The following MAPRE3 variants were observed in gnomAD, a reference collection of about 807,000 sequenced individuals.
The protein encoded by MAPRE3 is microtubule-associated protein RP/EB family member 3.
In MAPRE3, 2 loss-of-function variants were observed where a neutral mutation model predicts 30.5. That is an observed-to-expected ratio of 0.07 (90% CI 0.03 to 0.21). The LOEUF is 0.21. MAPRE3 is among the 10% of genes least tolerant of loss of function. The probability of loss-of-function intolerance (pLI) is 1.00; values close to 1 mark genes in which losing one functional copy is unlikely to be tolerated. For missense variants in MAPRE3, 204 were observed against 351.8 expected (o/e 0.58, Z 3.36); for synonymous variants, 110 against 127.7 (o/e 0.86, Z 0.93).
intron 1 of MAPRE3, among the ~76,000 whole-genome samples, chr2:27,010,439 CT>C (rs71401549): frequency 7.9e-4 from 91 of 115,504 alleles, no homozygotes; most frequent in African/African-American, 1.1e-3. Flanking sequence ...ATCTGTATTT[CT>C]TTTTTTTTTT....
chr2:27,001,817 C>T (rs775351247), intron 1 of MAPRE3, among the ~76,000 whole-genome samples: 3 of 152,170 alleles, frequency 2.0e-5, no homozygotes, highest in Admixed American at 6.5e-5. Context: ...CATTGTGATG[C>T]GGTGCGTGAC....
intron 1 of MAPRE3, among the ~76,000 whole-genome samples, chr2:26,982,461 G>A (rs377355059): frequency 3.9e-5 from 6 of 152,344 alleles, no homozygotes; most frequent in African/African-American, 1.2e-4. Context: ...TTGTAGTCCC[G>A]TTTCATGAAA....
chr2:26,972,971 G>A (rs775221525), intron 1 of MAPRE3, among the ~76,000 whole-genome samples: 2 of 152,202 alleles, frequency 1.3e-5, no homozygotes, highest in Admixed American at 1.3e-4. Flanking sequence ...TAATTGTTAA[G>A]ATCAAGGAGA....
intron 1 of MAPRE3, among the ~76,000 whole-genome samples, chr2:26,994,262 C>T (rs1187757091): frequency 5.3e-5 from 8 of 152,172 alleles, no homozygotes; most frequent in Admixed American, 5.2e-4. Context: ...ACCAGAAAGT[C>T]AATTTAATAA....
intron 1 of MAPRE3, chr2:26,995,442 A>G (rs1666430245): frequency 6.6e-6 from 1 of 152,238 alleles, no homozygotes; most frequent in Non-Finnish European, 1.5e-5. Flanking sequence ...TTGATCCTGG[A>G]ACAAATTATT....
chr2:27,012,247 TC>T (rs1213036008), intron 1 of MAPRE3: 1 of 150,754 alleles, frequency 6.6e-6, no homozygotes, highest in East Asian at 1.9e-4. Context: ...CCTCTGAAAT[TC>T]CCTTTCCCTC....
chr2:27,013,463 ACCT>A (rs1464580240), intron 1 of MAPRE3: 9 of 152,142 alleles, frequency 5.9e-5, no homozygotes, highest in African/African-American at 1.7e-4. Context: ...AGCCAGTGGC[ACCT>A]CCTCAGGGTC....
chr2:26,985,603 T>C lies in MAPRE3; in HGVS notation c.-8+14801T>C, dbSNP rs1391419526. On this transcript the variant is annotated intron_variant, in intron 1 of 6. Transcript: ENST00000233121. This position sits in a 1 kb window ranked among gnomAD's most constrained non-coding sequence, Gnocchi z 4.2. ...GTGAGAGGAGACCTAATCAGCCAGG[T>C]ATTCATTTCTTACTGCTGCCTAACA... 6.6e-6 allele frequency among the ~76,000 whole-genome samples: 1 copy of C among 152,226 alleles called. No homozygotes were observed. The highest frequency in any genetic ancestry group is 1.5e-5 in the Non-Finnish European group (1 of 68,038).
rs777328830 is a variant in MAPRE3, at chr2:27,025,648, G to GC, written c.543dup (p.Cys182LeufsTer16). 1.6e-4 allele frequency: 261 copies of GC among 1,608,308 alleles called. No homozygotes were observed. Among genetic ancestry groups the GC allele is most frequent in the Middle Eastern group, 1.7e-4 (1 of 6,052 alleles). On this transcript the variant is annotated frameshift_variant, in exon 5 of 7. Transcript: ENST00000233121. LOFTEE classifies it high-confidence loss of function. ...GACCTCTGGCCGGCTGAGCAATGTG[G>GC]CCCCCCCCTGCATTCTCCGGAAGAA...
At chr2:27,025,452 G>A in intron 4 of MAPRE3, 131 bp from the exon 5 acceptor site, 1 of 886,996 alleles carries the variant, frequency 1.1e-6, no homozygotes, top group South Asian at 1.8e-5. Flanking sequence ...GCCCTTCCTG[G>A]GGTGGGGGCA....
Position 27,022,284 on chromosome 2 carries a change from A to G in MAPRE3, c.66A>G (p.Ala22=). The stretch of plus-strand genomic sequence containing the variant: ...ATCTGAGTCGCCATGATATGCTTGC[A>G]TGGGTCAACGACTCCCTGCACCTCA... ...SENLSRHDML[A]WVNDSLHLNY... is the part of the protein sequence containing the mutation. The change falls in exon 2 of 7, where the codon GCA becomes GCG. Residue 22 remains alanine, a synonymous_variant. Coordinates refer to ENST00000233121, the MANE Select transcript of MAPRE3 (RefSeq NM_012326.4). 2 of 1,614,130 alleles carry G rather than the reference A, an allele frequency of 1.2e-6. No homozygotes were observed. Among genetic ancestry groups the G allele is most frequent in the Non-Finnish European group, 8.5e-7 (1 of 1,180,020 alleles).
chr2:26,977,039 G>A (rs1280782146), intron 1 of MAPRE3, among the ~76,000 whole-genome samples: 1 of 152,150 alleles, frequency 6.6e-6, no homozygotes, highest in East Asian at 1.9e-4. Flanking sequence ...AAAAACATTT[G>A]GAGAAGAATA....
chr2:27,022,180 G>T (rs1364511919), intron 1 of MAPRE3, 32 bp from the exon 2 acceptor site: 2 of 1,609,576 alleles, frequency 1.2e-6, no homozygotes, highest in Non-Finnish European at 1.7e-6. Context: ...TGAGGCCCCA[G>T]TGCTGACCTC....
chr2:26,974,576 C>G (rs949163909), intron 1 of MAPRE3, among the ~76,000 whole-genome samples: 5 of 152,264 alleles, frequency 3.3e-5, no homozygotes, highest in African/African-American at 1.2e-4. Context: ...CAGAATGGAA[C>G]CTTTTGTAGT....
intron 1 of MAPRE3, among the ~76,000 whole-genome samples, chr2:26,971,125 A>T (rs1162569416): frequency 1.3e-4 from 20 of 151,840 alleles, no homozygotes; most frequent in Admixed American, 1.3e-3. Context: ...ATTTTCTCCA[A>T]ACTACCTCCC....
chr2:26,991,261 A>G (rs1213574908), intron 1 of MAPRE3, among the ~76,000 whole-genome samples: 1 of 152,156 alleles, frequency 6.6e-6, no homozygotes, highest in Admixed American at 6.5e-5. Context: ...CCCAAAAAAA[A>G]AGAGATCCAA....
intron 2 of MAPRE3, 160 bp downstream of exon 2, chr2:27,022,499 A>ACTCTGTGATGT: frequency 2.1e-6 from 2 of 949,512 alleles, no homozygotes; most frequent in Non-Finnish European, 3.1e-6. Context: ...TTGTGTGAAC[A>ACTCTGTGATGT]TCACAGAGTG....
intron 1 of MAPRE3, among the ~76,000 whole-genome samples, chr2:26,991,364 A>G (rs1666339323): frequency 6.6e-6 from 1 of 152,180 alleles, no homozygotes; most frequent in African/African-American, 2.4e-5. Context: ...GTCTGGTCCT[A>G]GTGGAAAGAC....
At chr2:26,989,549 G>A (rs559793138) in intron 1 of MAPRE3, among the ~76,000 whole-genome samples, 5 of 152,236 alleles carry the variant, frequency 3.3e-5, no homozygotes, top group South Asian at 4.1e-4. Context: ...TGTTCCCATC[G>A]CCCAATCATC....
Sources: gnomAD v4.1 joint callset for allele counts (sites outside exome capture counted in the v4.1 genomes callset) on GRCh38, gnomAD v4.1.1 for gene constraint, Gnocchi (gnomAD v3.1) non-coding constraint, MANE v1.5 for transcripts, NCBI Gene and HGNC (gene_info 2026-07-23, HGNC 2026-07-21) for gene names.